The following PDILT variants were observed in gnomAD, a reference collection of about 807,000 sequenced individuals.
The protein encoded by PDILT is protein disulfide isomerase like, testis expressed.
In PDILT, 43 loss-of-function variants were observed where a neutral mutation model predicts 53.7. The observed-to-expected ratio is 0.80, with a 90% CI of 0.63 to 1.03. The LOEUF (loss-of-function observed/expected upper bound fraction) is 1.03. PDILT is among the 50% of genes least tolerant of loss of function. The pLI is 0.00. For synonymous variants in PDILT, 282 were observed against 274.2 expected, an observed-to-expected ratio of 1.03 and a Z score of -0.28; for missense variants, 727 against 712.3, an observed-to-expected ratio of 1.02 and a Z score of -0.24.
intron 3 of PDILT, among the ~76,000 whole-genome samples, chr16:20,382,135 G>C (rs909194315): frequency 2.6e-5 from 4 of 152,174 alleles, no homozygotes; most frequent in African/African-American, 9.7e-5. Context: ...CTGGGCACAA[G>C]TGATCTTCCC....
intron 4 of PDILT, 76 bp downstream of exon 4, chr16:20,375,992 C>A (rs1056201467): frequency 1.9e-6 from 3 of 1,556,478 alleles, no homozygotes; most frequent in East Asian, 2.3e-5. Context: ...ACGGAAGAGT[C>A]TCCTCACACC....
At chr16:20,397,106 G>GGA (rs1292870306) in intron 2 of PDILT, among the ~76,000 whole-genome samples, 3 of 152,072 alleles carry the variant, frequency 2.0e-5, no homozygotes, top group African/African-American at 7.2e-5. Flanking sequence ...AATAACCCTA[G>GGA]GAGTTATAAA....
chr16:20,395,889 C>T (rs919449472), intron 2 of PDILT, among the ~76,000 whole-genome samples: 3 of 152,174 alleles, frequency 2.0e-5, no homozygotes, highest in African/African-American at 4.8e-5. Flanking sequence ...AGAAGCAGCT[C>T]GAACCTTTCA....
rs561762148 is a variant in PDILT, at chr16:20,401,735, G to T, written c.-7-2428C>A. Among the ~76,000 whole-genome samples, 261 of 152,330 alleles carry T rather than the reference G, an allele frequency of 1.7e-3. 1 individual carries two copies. The highest frequency in any genetic ancestry group is 5.9e-3 in the African/African-American group (244 of 41,576). On this transcript the variant is annotated intron_variant, in intron 1 of 11. Transcript: ENST00000302451. ...CTTCAGGGTACAGAGCTGAACCATG[G>T]GCCCAGCTCAGCCACCGTGGAGGGC...
rs770054222 is a variant in PDILT at position 20,385,900 on chromosome 16, CAG to C, written c.203-1051_203-1050del. 3 of 152,260 alleles carry C rather than the reference CAG, an allele frequency of 2.0e-5. No individual in the cohort carries two copies. In the East Asian group the frequency reaches 5.8e-4, roughly 29 times the overall value. 9.4% of individuals were successfully genotyped at this position (152,260 alleles called of 1,614,324 possible). On this transcript the variant is annotated intron_variant, in intron 2 of 11. Coordinates refer to ENST00000302451, the MANE Select transcript of PDILT (RefSeq NM_174924.2). ...ATTCTGTGGTCAGAAATTATGGAGA[CAG>C]AGAGGAAGCATGAGAGCTCATGAGC...
At position 20,374,834 on chromosome 16, in the gene PDILT, C is replaced by T. The variant is rs752625333; in HGVS notation, c.669G>A (p.Leu223=). 6.2e-7 allele frequency: 1 copy of T among 1,612,926 alleles called. No homozygotes were observed. Among genetic ancestry groups the T allele is most frequent in the Admixed American group, 1.7e-5 (1 of 59,730 alleles). ...ATCAAAATCCTACCTTTTTGAACAC[C>T]AGGACGCTGTCAAGGGTGACGTGGA... The part of the protein sequence containing the change: ...GRFHVTLDSV[L]VFKKGKIVNR... Residue 223 remains leucine (L), a synonymous_variant, in exon 5 of 12, where the codon CTG becomes CTA. Coordinates refer to ENST00000302451, the MANE Select transcript of PDILT (RefSeq NM_174924.2).
chr16:20,364,612 G>T (rs1259485127), intron 9 of PDILT, among the ~76,000 whole-genome samples: 2 of 152,140 alleles, frequency 1.3e-5, no homozygotes, highest in African/African-American at 4.8e-5. Flanking sequence ...TAAAATAAAA[G>T]AAATGTCTGA....
At chr16:20,386,952 G>C (rs1297820322) in intron 2 of PDILT, among the ~76,000 whole-genome samples, 5 of 152,118 alleles carry the variant, frequency 3.3e-5, no homozygotes, top group Admixed American at 6.5e-5. Context: ...AGTGCCCCTG[G>C]GTGTCTGAAA....
At chr16:20,401,031 T>C (rs1311773795) in intron 1 of PDILT, among the ~76,000 whole-genome samples, 1 of 152,218 alleles carries the variant, frequency 6.6e-6, no homozygotes, top group East Asian at 1.9e-4. Flanking sequence ...AATCTATCAT[T>C]CAGTTTGTAG....
Position 20,396,023 on chromosome 16 carries a change from A to T in PDILT, c.202+3076T>A, listed in dbSNP as rs952986916. Among the ~76,000 whole-genome samples, 4 of 152,206 alleles carry T rather than the reference A, an allele frequency of 2.6e-5. No homozygotes were observed. The East Asian group carries it at 5.8e-4, about 22-fold the overall frequency. ...CAGACAAAGACATCACCATTAGCAG[A>T]TTCTTAATTACTTGTAGTTGAACTC... On this transcript the variant is annotated intron_variant, in intron 2 of 11. Transcript: ENST00000302451.
intron 1 of PDILT, among the ~76,000 whole-genome samples, chr16:20,400,067 TATA>T (rs781270988): frequency 0.026 from 3,788 of 144,004 alleles, 81 homozygotes; most frequent in Non-Finnish European, 0.037. Flanking sequence ...TATATATATA[TATA>T]TATTTTTTGA....
At chr16:20,360,746 T>C in intron 10 of PDILT, 89 bp from the exon 11 acceptor site, 1 of 933,052 alleles carries the variant, frequency 1.1e-6, no homozygotes. Flanking sequence ...CAGGGTCAAA[T>C]TCCTAACAAC....
At position 20,369,759 on chromosome 16, in the gene PDILT, T is replaced by C. The variant is rs1433944753; in HGVS notation, c.919-70A>G. ...GTGGAGAAAAACTGCTGAAAGGCTG[T>C]GGACTAAGGGGATGCACATGGTGGG... On this transcript the variant is annotated intron_variant, in intron 7 of 11. Coordinates refer to ENST00000302451, the MANE Select transcript of PDILT (RefSeq NM_174924.2). 4.7e-6 allele frequency: 7 copies of C among 1,487,608 alleles called. No homozygotes were observed. In the Admixed American group the frequency reaches 6.7e-5, roughly 14 times the overall value. The allele number at this position is 1,487,608 out of a possible 1,614,324, so 92.2% of individuals were successfully genotyped here.
chr16:20,371,900 T>G (rs1966312317), intron 7 of PDILT, among the ~76,000 whole-genome samples: 1 of 152,198 alleles, frequency 6.6e-6, no homozygotes, highest in African/African-American at 2.4e-5. Flanking sequence ...CCATCTTTTT[T>G]GAAAATAATG....
Position 20,399,291 on chromosome 16 carries a change from G to A in PDILT, c.10C>T (p.Leu4Phe). 3.1e-6 allele frequency: 5 copies of A among 1,613,960 alleles called. No individual in the cohort carries two copies. Among genetic ancestry groups the A allele is most frequent in the Non-Finnish European group, 4.2e-6 (5 of 1,179,906 alleles). MDL[L>F]WMPLLLVAAC... is the part of the protein sequence containing the mutation. ...GCCACCAGCAGCAGGGGCATCCAGA[G>A]TAGGTCCATGGCTGTCCTGCAGGGG... Residue 4 changes from leucine to phenylalanine, a missense_variant, in exon 2 of 12, where the codon CTC becomes TTC. Transcript: ENST00000302451.
chr16:20,384,049 G>A (rs1437777635), intron 3 of PDILT, among the ~76,000 whole-genome samples: 3 of 152,186 alleles, frequency 2.0e-5, no homozygotes, highest in African/African-American at 7.2e-5. Context: ...TGCATCCCAA[G>A]CCTGTCTTGT....
intron 2 of PDILT, chr16:20,385,987 C>A (rs1209052188): frequency 2.0e-5 from 3 of 151,898 alleles, no homozygotes; most frequent in Non-Finnish European, 2.9e-5. Context: ...AGTTGCCCTG[C>A]ATGTAATTGG....
At position 20,399,294 on chromosome 16, in the gene PDILT, G is replaced by C; in HGVS notation, c.7C>G (p.Leu3Val). Reference sequence around the variant, plus strand: ...ACCAGCAGCAGGGGCATCCAGAGTAGGTCCATGGCTGTCCTGCAGGGGCCG... The same window carrying C: ...ACCAGCAGCAGGGGCATCCAGAGTACGTCCATGGCTGTCCTGCAGGGGCCG... MDLLWMPLLLVAA... is the reference protein window; with the variant it reads MDVLWMPLLLVAA... Residue 3 changes from leucine (L) to valine (V), a missense_variant, in exon 2 of 12, where the codon CTA (leucine) becomes GTA (valine). Coordinates refer to ENST00000302451, the MANE Select transcript of PDILT (RefSeq NM_174924.2). The C allele has an allele frequency of 6.2e-7, 1 of 1,613,890 alleles. No individual in the cohort carries two copies. The highest frequency in any genetic ancestry group is 8.5e-7 in the Non-Finnish European group (1 of 1,179,880).
At chr16:20,376,850 C>T (rs897861213) in intron 3 of PDILT, among the ~76,000 whole-genome samples, 1 of 152,138 alleles carries the variant, frequency 6.6e-6, no homozygotes, top group African/African-American at 2.4e-5. Flanking sequence ...TCTGGGAAGA[C>T]AAATTGGTGA....
Sources: allele counts gnomAD v4.1 joint callset (sites outside exome capture counted in the v4.1 genomes callset), GRCh38; gene constraint gnomAD v4.1.1; transcripts MANE v1.5; gene names NCBI Gene and HGNC (gene_info 2026-07-23, HGNC 2026-07-21).